The following SYBU variants were observed in gnomAD, a reference collection of about 807,000 sequenced individuals.
SYBU encodes syntabulin.
SYBU carries 21 observed loss-of-function variants against 35.9 expected under a neutral mutation model. The ratio of observed to expected loss-of-function variants is 0.58; its 90% CI spans 0.41 to 0.84. SYBU has a LOEUF of 0.84. Among genes scored for constraint, SYBU ranks in the 40% least tolerant of loss-of-function variants. The pLI is 0.00. For missense variants in SYBU, 768 were observed against 848.2 expected, an observed-to-expected ratio of 0.91 and a Z score of 1.17; for synonymous variants, 319 against 324.3, an observed-to-expected ratio of 0.98 and a Z score of 0.18.
intron 1 of SYBU, among the ~76,000 whole-genome samples, chr8:109,652,291 C>A (rs1816176083): frequency 6.6e-6 from 1 of 152,154 alleles, no homozygotes; most frequent in East Asian, 1.9e-4. Flanking sequence ...AATCTGGTTT[C>A]TTCAGAGTTC....
At chr8:109,648,480 T>C (rs1459635331), upstream of SYBU, among the ~76,000 whole-genome samples, 1 of 152,104 alleles carries the variant, frequency 6.6e-6, no homozygotes, top group Admixed American at 6.6e-5. Flanking sequence ...ATAATTTTAT[T>C]TGAGCCTCAC....
chr8:109,575,191 A>G lies in SYBU; in HGVS notation c.1707T>C (p.His569=), dbSNP rs2131161983. 6 of 1,614,226 alleles carry G rather than the reference A, an allele frequency of 3.7e-6. No individual in the cohort carries two copies. In the East Asian group the frequency reaches 1.1e-4, roughly 30 times the overall value. ...CCAGCTCTCTCATGAGGCGGTTTGC[A>G]TGAACTTCTGCATCCACATTGGCGT... ...TPYANVDAEV[H]ANRLMRELDF... Residue 569 remains histidine, a synonymous_variant, in exon 7 of 7, where the codon CAT becomes CAC. Coordinates refer to ENST00000276646, the MANE Select transcript of SYBU (RefSeq NM_001099754.2).
chr8:109,657,821 A>ACT (rs1372522625), intron 1 of SYBU, among the ~76,000 whole-genome samples: 2 of 151,738 alleles, frequency 1.3e-5, no homozygotes, highest in African/African-American at 4.8e-5. Context: ...ATGTTCTTTG[A>ACT]CTCCATATTT....
chr8:109,688,308 C>A (rs1023462209), intron 1 of SYBU, among the ~76,000 whole-genome samples: 1 of 152,112 alleles, frequency 6.6e-6, no homozygotes, highest in East Asian at 1.9e-4. Context: ...GTGAAGTATA[C>A]TAGAAAAACT....
upstream of SYBU, chr8:109,645,383 T>C (rs914591371): frequency 2.2e-5 from 10 of 455,784 alleles, no homozygotes; most frequent in African/African-American, 2.0e-4. Context: ...AGGGGTTGCA[T>C]CAGAAAGGCC....
At chr8:109,589,631 T>G (rs1271323037) in intron 3 of SYBU, among the ~76,000 whole-genome samples, 1 of 152,222 alleles carries the variant, frequency 6.6e-6, no homozygotes, top group Non-Finnish European at 1.5e-5. Flanking sequence ...TTTTGAGAGA[T>G]ATTCCTTTTA....
At chr8:109,629,655 T>C (rs1813375688) in intron 2 of SYBU, among the ~76,000 whole-genome samples, 2 of 152,098 alleles carry the variant, frequency 1.3e-5, no homozygotes, top group Non-Finnish European at 1.5e-5. Flanking sequence ...TTTGGGTATA[T>C]ACCCAGTAAT....
chr8:109,639,116 T>C (rs1321052046), intron 2 of SYBU, among the ~76,000 whole-genome samples: 3 of 152,214 alleles, frequency 2.0e-5, no homozygotes, highest in Non-Finnish European at 2.9e-5. Context: ...GTTCTATTCT[T>C]TTCATTTCAC....
chr8:109,681,365 G>A (rs374022168), upstream of SYBU, among the ~76,000 whole-genome samples: 3 of 152,126 alleles, frequency 2.0e-5, no homozygotes, highest in Admixed American at 6.5e-5. Context: ...AGGCTATAAA[G>A]AGTAAAAGAA....
chr8:109,642,815 G>A lies in SYBU; in HGVS notation c.142C>T (p.Pro48Ser), dbSNP rs753059081. The A allele has an allele frequency of 5.0e-6, 8 of 1,613,672 alleles. No individual in the cohort carries two copies. The highest frequency in any genetic ancestry group is 3.3e-4 in the Middle Eastern group (2 of 6,058). Residue 48 changes from proline (P) to serine (S), a missense_variant, in exon 2 of 7, where the codon CCT becomes TCT. Pro to Ser is a moderately conservative substitution (Grantham distance 74). Transcript: ENST00000276646. ...TCTCTGCTCTCTTCCTCAGAGAAAG[G>A]AGACTCAGAGGCTGGGGACACTTTG... Reference protein sequence around the residue: ...QHKVSPASESPFSEEESREFN... With the variant: ...QHKVSPASESSFSEEESREFN...
chr8:109,671,206 C>G (rs1393265361), intron 1 of SYBU, among the ~76,000 whole-genome samples: 1 of 151,950 alleles, frequency 6.6e-6, no homozygotes, highest in South Asian at 2.1e-4. Context: ...TCATTAAATT[C>G]AAGACAAATC....
chr8:109,575,852 G>C lies in SYBU; in HGVS notation c.1046C>G (p.Ala349Gly). 1.2e-6 allele frequency: 2 copies of C among 1,613,920 alleles called. No individual in the cohort carries two copies. Among genetic ancestry groups the C allele is most frequent in the South Asian group, 2.2e-5 (2 of 91,070 alleles). ...TTTCTGAATGCCTTTATCTTTATCA[G>C]CCAAGCTGCTCCGCATGGTTTCGAT... Reference protein sequence around the residue: ...QVIETMRSSLADKDKGIQKYF... With the variant: ...QVIETMRSSLGDKDKGIQKYF... The change falls in exon 7 of 7, where the codon GCT (alanine) becomes GGT (glycine). Residue 349 changes from alanine (A) to glycine (G), a missense_variant. By Grantham distance (60) the Ala-to-Gly change is moderately conservative. Transcript: ENST00000276646.
intron 4 of SYBU, among the ~76,000 whole-genome samples, chr8:109,585,398 C>T (rs1823497036): frequency 6.6e-6 from 1 of 152,178 alleles, no homozygotes; most frequent in Non-Finnish European, 1.5e-5. Flanking sequence ...TCTGAGGTGG[C>T]TGGGTCTATT....
chr8:109,690,316 T>G (rs987547196), intron 1 of SYBU, among the ~76,000 whole-genome samples: 37 of 152,192 alleles, frequency 2.4e-4, no homozygotes, highest in Non-Finnish European at 8.8e-5. Flanking sequence ...AATACCTGAC[T>G]CCTTTTGCCC....
At chr8:109,599,722 AGAG>A (rs1013190698) in intron 3 of SYBU, among the ~76,000 whole-genome samples, 1 of 152,184 alleles carries the variant, frequency 6.6e-6, no homozygotes, top group African/African-American at 2.4e-5. Flanking sequence ...ACACTACTCC[AGAG>A]AAGAAACCTC....
chr8:109,620,788 T>G (rs911062441), intron 2 of SYBU, among the ~76,000 whole-genome samples: 7 of 152,164 alleles, frequency 4.6e-5, no homozygotes, highest in Non-Finnish European at 8.8e-5. Context: ...TCTTTCATCA[T>G]TCACTGCCCT....
chr8:109,653,983 A>G (rs963279704), intron 1 of SYBU, among the ~76,000 whole-genome samples: 8 of 152,152 alleles, frequency 5.3e-5, no homozygotes, highest in Non-Finnish European at 1.2e-4. Context: ...GTATCAGAGG[A>G]GTTAATAACC....
chr8:109,633,525 C>T (rs779157827), intron 2 of SYBU, among the ~76,000 whole-genome samples: 5 of 152,166 alleles, frequency 3.3e-5, no homozygotes, highest in Non-Finnish European at 7.3e-5. Context: ...AGGAGCCTAG[C>T]AGCTGGCAGG....
intron 2 of SYBU, among the ~76,000 whole-genome samples, chr8:109,626,311 A>G (rs927401363): frequency 6.6e-6 from 1 of 152,178 alleles, no homozygotes; most frequent in African/African-American, 2.4e-5. Context: ...TTATTCAAAG[A>G]TCAACTAAAT....
Sources: gnomAD v4.1 joint callset for allele counts (sites outside exome capture counted in the v4.1 genomes callset) on GRCh38, gnomAD v4.1.1 for gene constraint, MANE v1.5 for transcripts, NCBI Gene and HGNC (gene_info 2026-07-23, HGNC 2026-07-21) for gene names.